NLGN1: variants seen among roughly 807,000 people sequenced by gnomAD.
The protein encoded by NLGN1 is neuroligin 1, also known as neuroligin-1.
Under a neutral mutation model 65.5 loss-of-function variants are expected in NLGN1, and 12 were observed. The observed-to-expected ratio is 0.18, with a 90% CI of 0.12 to 0.30. The LOEUF (loss-of-function observed/expected upper bound fraction) is 0.30, where lower values mean the gene tolerates loss of function less well. NLGN1 is among the 10% of genes least tolerant of loss of function. The pLI, the probability that NLGN1 is intolerant of heterozygous loss-of-function variation, is 1.00. For missense variants in NLGN1, 750 were observed against 1,007.1 expected (o/e 0.74, Z 3.46); for synonymous variants, 350 against 359.5 (o/e 0.97, Z 0.30).
At chr3:173,807,749 C>G in exon 4 of NLGN1, 2 of 1,613,596 alleles carry the variant, frequency 1.2e-6, no homozygotes, top group Non-Finnish European at 1.7e-6. Context: ...ATGGAAGGTA[C>G]TGGAAATTTA....
rs574339417 is a variant in NLGN1 at position 173,498,712 on chromosome 3, C to T, written c.-321+63634C>T. The stretch of plus-strand genomic sequence containing the variant: ...CTATTTCTTCACATCCTCTCCAGCA[C>T]CTATTGTTTCCTGACTTTTTAATGA... On this transcript the variant is annotated intron_variant, in intron 2 of 6. Coordinates refer to ENST00000457714, the Ensembl canonical transcript of NLGN1. Among the ~76,000 whole-genome samples, 6 of 151,898 alleles carry T rather than the reference C, an allele frequency of 4.0e-5. No individual in the cohort carries two copies. The East Asian group carries it at 9.7e-4, about 25-fold the overall frequency.
chr3:173,558,917 C>G (rs1202959818), intron 2 of NLGN1, among the ~76,000 whole-genome samples: 1 of 128,284 alleles, frequency 7.8e-6, no homozygotes, highest in Admixed American at 7.7e-5. Flanking sequence ...GTTGTTTATC[C>G]AAGTAGGTAA....
intron 2 of NLGN1, among the ~76,000 whole-genome samples, chr3:173,525,950 A>G (rs73043586): frequency 0.036 from 5,406 of 152,136 alleles, 315 homozygotes; most frequent in African/African-American, 0.12. Context: ...TTATTCCACC[A>G]TGGTCCAAGA....
At chr3:174,079,693 C>T (rs60291469) in intron 4 of NLGN1, among the ~76,000 whole-genome samples, 38,080 of 152,046 alleles carry the variant, frequency 0.25, 6,808 homozygotes, top group African/African-American at 0.51. Context: ...CACCATGGAA[C>T]AGTATGTAGC....
intron 5 of NLGN1, among the ~76,000 whole-genome samples, chr3:174,278,551 C>T (rs1279281480): frequency 6.6e-6 from 1 of 151,854 alleles, no homozygotes; most frequent in Non-Finnish European, 1.5e-5. Flanking sequence ...CGTATTTACA[C>T]ACTCATTGAA....
At chr3:174,137,164 A>G (rs1416855791) in intron 4 of NLGN1, among the ~76,000 whole-genome samples, 1 of 152,106 alleles carries the variant, frequency 6.6e-6, no homozygotes, top group African/African-American at 2.4e-5. Context: ...CCACCATTGC[A>G]AAGTTGAAAA....
chr3:174,081,707 G>A (rs1235825577), intron 4 of NLGN1, among the ~76,000 whole-genome samples: 1 of 151,460 alleles, frequency 6.6e-6, no homozygotes. Flanking sequence ...GAGTAGCTGG[G>A]ATTACAGACA....
intron 2 of NLGN1, among the ~76,000 whole-genome samples, chr3:173,446,741 G>A (rs573514266): frequency 3.3e-5 from 5 of 152,086 alleles, no homozygotes; most frequent in Admixed American, 1.3e-4. Flanking sequence ...TCCTGACTTC[G>A]TAATGATTGC....
chr3:173,828,686 G>C (rs1019705694), intron 4 of NLGN1, among the ~76,000 whole-genome samples: 2 of 152,162 alleles, frequency 1.3e-5, no homozygotes, highest in African/African-American at 4.8e-5. Context: ...GTAAATTATA[G>C]TAGGGTAGCC....
intron 1 of NLGN1, among the ~76,000 whole-genome samples, chr3:173,413,868 A>G (rs1713115785): frequency 6.6e-6 from 1 of 152,106 alleles, no homozygotes; most frequent in Admixed American, 6.5e-5. Flanking sequence ...TCCCTGGAAA[A>G]AGAACAAGAA....
At chr3:174,209,832 C>A (rs946421065) in intron 4 of NLGN1, among the ~76,000 whole-genome samples, 1 of 151,640 alleles carries the variant, frequency 6.6e-6, no homozygotes, top group Non-Finnish European at 1.5e-5. Context: ...GGGGTTGCGC[C>A]ATGTTGGCCA....
chr3:173,658,152 T>C (rs1174665938), intron 3 of NLGN1, among the ~76,000 whole-genome samples: 2 of 151,992 alleles, frequency 1.3e-5, no homozygotes, highest in Non-Finnish European at 2.9e-5. Flanking sequence ...TACATATTTA[T>C]ACTATAAGTC....
intron 2 of NLGN1, among the ~76,000 whole-genome samples, chr3:173,532,562 G>A (rs1322636084): frequency 6.6e-6 from 1 of 152,130 alleles, no homozygotes; most frequent in African/African-American, 2.4e-5. Flanking sequence ...AAATCTTCAT[G>A]ATTAAGGAGA....
At chr3:173,876,555 T>C (rs1304332209) in intron 4 of NLGN1, among the ~76,000 whole-genome samples, 1 of 152,106 alleles carries the variant, frequency 6.6e-6, no homozygotes, top group African/African-American at 2.4e-5. Flanking sequence ...CTAAAAATAG[T>C]GTGGTTTTAA....
intron 3 of NLGN1, among the ~76,000 whole-genome samples, chr3:173,635,463 T>C (rs778172893): frequency 6.6e-6 from 1 of 152,206 alleles, no homozygotes; most frequent in Admixed American, 6.5e-5. Context: ...TACTCTGTTT[T>C]GTATTGAAGG....
chr3:174,190,590 T>C (rs938660171), intron 4 of NLGN1, among the ~76,000 whole-genome samples: 8 of 152,052 alleles, frequency 5.3e-5, no homozygotes, highest in Non-Finnish European at 8.8e-5. Context: ...ATTAAAATAT[T>C]AGACTTATTG....
chr3:173,634,607 G>GTCATGAT (rs1756282035), intron 3 of NLGN1, among the ~76,000 whole-genome samples: 2 of 152,038 alleles, frequency 1.3e-5, no homozygotes, highest in African/African-American at 4.8e-5. Context: ...GGAGGAAAGT[G>GTCATGAT]TCATGATTCA....
At chr3:173,739,980 G>T (rs1774384582) in intron 3 of NLGN1, among the ~76,000 whole-genome samples, 1 of 152,070 alleles carries the variant, frequency 6.6e-6, no homozygotes, top group Non-Finnish European at 1.5e-5. Context: ...TATTGGGGAT[G>T]AGATCATTGT....
chr3:174,274,453 C>CT (rs1206308888), intron 4 of NLGN1, among the ~76,000 whole-genome samples: 1 of 151,646 alleles, frequency 6.6e-6, no homozygotes, highest in Non-Finnish European at 1.5e-5. Flanking sequence ...TATCCATCAT[C>CT]TTTTTTTCAA....
Sources: gnomAD v4.1 joint callset for allele counts (sites outside exome capture counted in the v4.1 genomes callset) on GRCh38, gnomAD v4.1.1 for gene constraint, MANE v1.5 for transcripts, NCBI Gene and HGNC (gene_info 2026-07-23, HGNC 2026-07-21) for gene names.